ROBO1: variants seen among roughly 807,000 people sequenced by gnomAD.
The protein encoded by ROBO1 is roundabout guidance receptor 1, also known as roundabout homolog 1.
A neutral mutation model predicts 195.9 loss-of-function variants in ROBO1; 149 were observed. That is an observed-to-expected ratio of 0.76 (90% CI 0.67 to 0.87). The LOEUF (loss-of-function observed/expected upper bound fraction) is 0.87. ROBO1 is among the 40% of genes least tolerant of loss of function. ROBO1 has a pLI of 0.00. For missense variants in ROBO1, 1,933 were observed against 2,068.3 expected (o/e 0.93, Z 1.27); for synonymous variants, 816 against 733.2 (o/e 1.11, Z -1.82).
intron 2 of ROBO1, among the ~76,000 whole-genome samples, chr3:79,394,596 T>C (rs4550794): frequency 0.34 from 52,016 of 151,778 alleles, 10,072 homozygotes; most frequent in Admixed American, 0.48. Context: ...AGCGACTGTA[T>C]AGGAAGATAT....
chr3:78,646,320 A>C (rs1277167685), intron 20 of ROBO1, 130 bp from the exon 21 acceptor site: 7 of 647,382 alleles, frequency 1.1e-5, no homozygotes, highest in Non-Finnish European at 1.8e-5. Context: ...TGCAAAAATC[A>C]CATGACGTAA....
chr3:79,645,382 G>A lies in ROBO1; in HGVS notation c.-50-55421C>T, dbSNP rs146584857. Reference sequence around the variant, plus strand: ...CCAGCCATGGTGATGCACACCTGTAGTCCAAGTTACTCAGGAGGCTGGGGC... The same window carrying A: ...CCAGCCATGGTGATGCACACCTGTAATCCAAGTTACTCAGGAGGCTGGGGC... On this transcript the variant is annotated intron_variant, in intron 1 of 30. Transcript: ENST00000464233. Among the ~76,000 whole-genome samples the A allele has an allele frequency of 5.0e-3, 764 of 151,950 alleles. 12 individuals are homozygous for A. The highest frequency in any genetic ancestry group is 0.017 in the African/African-American group (704 of 41,480).
chr3:79,649,306 A>G (rs967616444), intron 1 of ROBO1, among the ~76,000 whole-genome samples: 1 of 152,084 alleles, frequency 6.6e-6, no homozygotes, highest in African/African-American at 2.4e-5. Context: ...TGTCATAGCA[A>G]TAATAACTAT....
At chr3:79,585,468 A>G (rs1379586693) in intron 2 of ROBO1, among the ~76,000 whole-genome samples, 1 of 152,130 alleles carries the variant, frequency 6.6e-6, no homozygotes, top group East Asian at 1.9e-4. Flanking sequence ...TCAATCTAGA[A>G]ATATTTATTA....
chr3:79,153,363 A>T (rs997484007), intron 2 of ROBO1, among the ~76,000 whole-genome samples: 1 of 151,726 alleles, frequency 6.6e-6, no homozygotes, highest in African/African-American at 2.4e-5. Flanking sequence ...GCTAATTTTG[A>T]GTATCACAGT....
At chr3:78,997,984 G>A (rs2077409025) in intron 3 of ROBO1, among the ~76,000 whole-genome samples, 1 of 152,096 alleles carries the variant, frequency 6.6e-6, no homozygotes, top group Admixed American at 6.6e-5. Flanking sequence ...TGTTGGACCA[G>A]ACTTCATTAT....
intron 2 of ROBO1, among the ~76,000 whole-genome samples, chr3:79,505,278 A>G (rs1434821367): frequency 6.6e-6 from 1 of 151,348 alleles, no homozygotes; most frequent in Non-Finnish European, 1.5e-5. Flanking sequence ...TCCAGCGAAG[A>G]AAAAAAAAGA....
chr3:79,073,443 C>A (rs2079121084), intron 3 of ROBO1, among the ~76,000 whole-genome samples: 1 of 151,764 alleles, frequency 6.6e-6, no homozygotes, highest in African/African-American at 2.4e-5. Flanking sequence ...TAAATGAAAT[C>A]TTAAAATGCC....
chr3:79,362,766 A>C (rs1055532359), intron 2 of ROBO1, among the ~76,000 whole-genome samples: 1 of 152,138 alleles, frequency 6.6e-6, no homozygotes. Context: ...TCTAGGCAAA[A>C]GGATTAATTT....
chr3:79,355,825 G>A (rs984627988), intron 2 of ROBO1, among the ~76,000 whole-genome samples: 2 of 152,070 alleles, frequency 1.3e-5, no homozygotes, highest in African/African-American at 4.8e-5. Context: ...TGGACATTTA[G>A]GTTGATTCTG....
intron 1 of ROBO1, among the ~76,000 whole-genome samples, chr3:79,635,646 A>T (rs1034476848): frequency 4.6e-5 from 7 of 152,168 alleles, no homozygotes; most frequent in Non-Finnish European, 1.0e-4. Context: ...GTATAAGGTT[A>T]TTACAGCTTT....
At chr3:78,980,460 C>T (rs970542887) in intron 3 of ROBO1, among the ~76,000 whole-genome samples, 2 of 152,130 alleles carry the variant, frequency 1.3e-5, no homozygotes, top group African/African-American at 4.8e-5. Context: ...AATATAAATA[C>T]ACAAGGTTAC....
chr3:79,396,539 A>G (rs1189813850), intron 2 of ROBO1, among the ~76,000 whole-genome samples: 1 of 152,108 alleles, frequency 6.6e-6, no homozygotes, highest in Non-Finnish European at 1.5e-5. Context: ...CAACATTGTT[A>G]TCTTCCAGTT....
intron 4 of ROBO1, among the ~76,000 whole-genome samples, chr3:78,835,358 G>T (rs1030964635): frequency 6.6e-6 from 1 of 152,124 alleles, no homozygotes; most frequent in Admixed American, 6.5e-5. Context: ...ACACAGAAAA[G>T]CACTCAGAGA....
chr3:78,794,541 T>C (rs1043303918), intron 4 of ROBO1, among the ~76,000 whole-genome samples: 6 of 152,186 alleles, frequency 3.9e-5, no homozygotes, highest in Non-Finnish European at 8.8e-5. Context: ...GAGTGTTGAA[T>C]GGAGCACAAC....
intron 4 of ROBO1, among the ~76,000 whole-genome samples, chr3:78,832,366 T>G (rs1306884311): frequency 6.6e-6 from 1 of 152,224 alleles, no homozygotes; most frequent in African/African-American, 2.4e-5. Flanking sequence ...CAGGTGTATA[T>G]GCCTCCGCCT....
intron 5 of ROBO1, among the ~76,000 whole-genome samples, chr3:78,726,920 C>T (rs2082174990): frequency 6.6e-6 from 1 of 152,010 alleles, no homozygotes; most frequent in Admixed American, 6.6e-5. Flanking sequence ...AGTAACAATC[C>T]AGAAAAAATA....
chr3:79,578,730 G>A (rs752981819), intron 2 of ROBO1, among the ~76,000 whole-genome samples: 1 of 152,074 alleles, frequency 6.6e-6, no homozygotes, highest in Non-Finnish European at 1.5e-5. Context: ...AAAATTTCCT[G>A]TCACGATGGT....
In ROBO1 at chr3:78,945,525, C is replaced by T. The variant is rs577109373; in HGVS notation, c.173-6598G>A. Among the ~76,000 whole-genome samples, 3 of 152,104 alleles carry T rather than the reference C, an allele frequency of 2.0e-5. No individual in the cohort carries two copies. In the East Asian group the frequency reaches 5.8e-4, roughly 29 times the overall value. ...ACACCAAAAACCCATCTGTACCTCA[C>T]CATCATCAAAGACCAAAGGTAGATA... On this transcript the variant is annotated intron_variant, in intron 3 of 30. Coordinates refer to ENST00000464233, the MANE Select transcript of ROBO1 (RefSeq NM_002941.4).
Sources: gnomAD v4.1 joint callset for allele counts (sites outside exome capture counted in the v4.1 genomes callset) on GRCh38, gnomAD v4.1.1 for gene constraint, MANE v1.5 for transcripts, NCBI Gene and HGNC (gene_info 2026-07-23, HGNC 2026-07-21) for gene names.